Variants in CSMD1 observed in about 807,000 individuals in gnomAD.
The protein encoded by CSMD1 is CUB and Sushi multiple domains 1, also known as CUB and sushi domain-containing protein 1.
CSMD1 carries 213 observed loss-of-function variants against 417.5 expected under a neutral mutation model. The observed-to-expected ratio is 0.51, with a 90% CI of 0.46 to 0.57. CSMD1 has a LOEUF of 0.57. Among genes scored for constraint, CSMD1 ranks in the 20% least tolerant of loss-of-function variants. The pLI is 0.00. For missense variants in CSMD1, 6,923 were observed against 4,529.7 expected, an observed-to-expected ratio of 1.53 and a Z score of -15.17; for synonymous variants, 2,862 against 1,736.8, an observed-to-expected ratio of 1.65 and a Z score of -16.11.
chr8:4,565,795 TA>T (rs1798579832), intron 2 of CSMD1, among the ~76,000 whole-genome samples: 1 of 65,462 alleles, frequency 1.5e-5, no homozygotes, highest in East Asian at 4.2e-4. Flanking sequence ...TATATATATA[TA>T]TGTATACATA....
At chr8:3,519,329 A>G (rs1368969876) in intron 10 of CSMD1, among the ~76,000 whole-genome samples, 1 of 152,154 alleles carries the variant, frequency 6.6e-6, no homozygotes, top group East Asian at 1.9e-4. Flanking sequence ...TCCAACCCCA[A>G]ATAAAAATTT....
intron 3 of CSMD1, among the ~76,000 whole-genome samples, chr8:4,132,514 C>G (rs558615608): frequency 1.3e-5 from 2 of 152,202 alleles, no homozygotes; most frequent in Non-Finnish European, 2.9e-5. Context: ...AGGCATTCCC[C>G]TGTTTCTGGG....
intron 42 of CSMD1, among the ~76,000 whole-genome samples, chr8:3,114,413 T>C (rs1263253338): frequency 6.7e-6 from 1 of 150,350 alleles, no homozygotes. Context: ...ACACTTGGCA[T>C]AAATATGAAT....
At position 4,113,001 on chromosome 8, in the gene CSMD1, T is replaced by C. The variant is rs372525695; in HGVS notation, c.416-80902A>G. 2.0e-3 allele frequency among the ~76,000 whole-genome samples: 308 copies of C among 152,296 alleles called. 2 individuals are homozygous for C. Among genetic ancestry groups the C allele is most frequent in the African/African-American group, 7.1e-3 (295 of 41,572 alleles). ...CAAAAGTTGTTGTTATTATATCTGT[T>C]ATGGTAATCAGTGGTCAATGATCCT... On this transcript the variant is annotated intron_variant, in intron 3 of 69. Transcript: ENST00000635120.
intron 4 of CSMD1, among the ~76,000 whole-genome samples, chr8:4,029,920 C>T (rs867130222): frequency 1.3e-5 from 2 of 152,256 alleles, no homozygotes; most frequent in Middle Eastern, 3.4e-3. Context: ...TCTACTGGCC[C>T]TATGTAAGTA....
Position 4,684,424 on chromosome 8 carries a change from C to T in CSMD1, c.86-46866G>A, listed in dbSNP as rs1806238770. 2.6e-5 allele frequency among the ~76,000 whole-genome samples: 4 copies of T among 152,324 alleles called. No homozygotes were observed. The South Asian group carries it at 6.2e-4, about 24-fold the overall frequency. On this transcript the variant is annotated intron_variant, in intron 1 of 69. Coordinates refer to ENST00000635120, the MANE Select transcript of CSMD1 (RefSeq NM_033225.6). The stretch of plus-strand genomic sequence containing the variant: ...ACTTTCCAAACCTTAAAGCTCGCAT[C>T]TTGCTTTTTGAAATGGATAATTTTT...
chr8:3,539,813 A>G (rs902945766), intron 10 of CSMD1, among the ~76,000 whole-genome samples: 1 of 152,160 alleles, frequency 6.6e-6, no homozygotes, highest in African/African-American at 2.4e-5. Context: ...AAAGGAAAGA[A>G]AACTCTAGAC....
chr8:3,717,786 A>G (rs1801928494), intron 6 of CSMD1, among the ~76,000 whole-genome samples: 1 of 152,166 alleles, frequency 6.6e-6, no homozygotes, highest in Non-Finnish European at 1.5e-5. Flanking sequence ...GGTATTTTTA[A>G]TAGATTATTC....
chr8:3,845,464 A>G (rs1007024545), intron 5 of CSMD1, among the ~76,000 whole-genome samples: 2 of 152,152 alleles, frequency 1.3e-5, no homozygotes, highest in African/African-American at 4.8e-5. Flanking sequence ...GGTACAGCTG[A>G]AAAATCAGCA....
At chr8:4,578,628 A>C (rs1188633761) in intron 2 of CSMD1, among the ~76,000 whole-genome samples, 1 of 151,326 alleles carries the variant, frequency 6.6e-6, no homozygotes, top group Non-Finnish European at 1.5e-5. Context: ...CAGCCTGGCC[A>C]ACATGGTGAA....
At position 4,296,271 on chromosome 8, in the gene CSMD1, C is replaced by T. The variant is rs146996277; in HGVS notation, c.415+123682G>A. On this transcript the variant is annotated intron_variant, in intron 3 of 69. Transcript: ENST00000635120. Reference sequence around the variant, plus strand: ...TGGAGGAGTTTATAGCACCAGAATTCAGAAGTGCCCAAGGCAGGAAGAATT... The same window carrying T: ...TGGAGGAGTTTATAGCACCAGAATTTAGAAGTGCCCAAGGCAGGAAGAATT... Among the ~76,000 whole-genome samples the T allele has an allele frequency of 3.4e-3, 515 of 152,130 alleles. 1 individual carries two copies. The highest frequency in any genetic ancestry group is 5.0e-3 in the Admixed American group (76 of 15,256).
chr8:4,708,895 T>A (rs780535522), intron 1 of CSMD1, among the ~76,000 whole-genome samples: 3 of 151,898 alleles, frequency 2.0e-5, no homozygotes, highest in Admixed American at 6.6e-5. Flanking sequence ...ACACAGAGAG[T>A]GACAATGTGA....
At chr8:3,337,077 C>G (rs945739841) in intron 23 of CSMD1, among the ~76,000 whole-genome samples, 2 of 152,028 alleles carry the variant, frequency 1.3e-5, no homozygotes, top group Admixed American at 1.3e-4. Flanking sequence ...TTGCTGTCCC[C>G]CTGCCTCAAA....
intron 54 of CSMD1, among the ~76,000 whole-genome samples, chr8:2,986,767 G>A (rs1281714452): frequency 6.6e-6 from 1 of 152,116 alleles, no homozygotes; most frequent in East Asian, 1.9e-4. Context: ...GCCTCCCAAA[G>A]TGCTGGGATT....
intron 5 of CSMD1, among the ~76,000 whole-genome samples, chr8:3,938,709 T>C (rs754959277): frequency 7.2e-5 from 11 of 152,326 alleles, no homozygotes; most frequent in Admixed American, 5.2e-4. Context: ...ACAACAATTA[T>C]AGACCCAAAC....
intron 1 of CSMD1, among the ~76,000 whole-genome samples, chr8:4,978,713 G>A (rs1393467274): frequency 2.6e-5 from 4 of 152,166 alleles, no homozygotes; most frequent in Admixed American, 6.5e-5. Flanking sequence ...CAAGGGGAAT[G>A]GATTACTTGA....
At chr8:4,916,600 G>C (rs918609629) in intron 1 of CSMD1, among the ~76,000 whole-genome samples, 1 of 152,202 alleles carries the variant, frequency 6.6e-6, no homozygotes, top group Non-Finnish European at 1.5e-5. Context: ...GAAAATATCA[G>C]ATCATCCTAC....
chr8:4,933,133 T>C (rs1255718072), intron 1 of CSMD1, among the ~76,000 whole-genome samples: 1 of 152,194 alleles, frequency 6.6e-6, no homozygotes, highest in Non-Finnish European at 1.5e-5. Context: ...GTTCTCTATC[T>C]GGTATATGTT....
chr8:4,546,818 T>C (rs1322326669), intron 2 of CSMD1, among the ~76,000 whole-genome samples: 1 of 151,740 alleles, frequency 6.6e-6, no homozygotes, highest in African/African-American at 2.4e-5. Flanking sequence ...ATATTTATAA[T>C]TATAATATTT....
Sources: gnomAD v4.1 joint callset for allele counts (sites outside exome capture counted in the v4.1 genomes callset) on GRCh38, gnomAD v4.1.1 for gene constraint, MANE v1.5 for transcripts, NCBI Gene and HGNC (gene_info 2026-07-23, HGNC 2026-07-21) for gene names.